PRMT7: variants seen among roughly 807,000 people sequenced by gnomAD.
PRMT7 encodes the protein protein arginine N-methyltransferase 7.
PRMT7 carries 75 observed loss-of-function variants against 85.4 expected under a neutral mutation model. The observed-to-expected ratio is 0.88, with a 90% CI of 0.73 to 1.06. PRMT7 has a LOEUF of 1.06. Ranked by LOEUF, PRMT7 falls within the 50% of genes least tolerant of loss-of-function variation. The probability of loss-of-function intolerance (pLI) is 0.00; values close to 1 mark genes in which losing one functional copy is unlikely to be tolerated. For missense variants in PRMT7, 868 were observed against 915.2 expected (o/e 0.95, Z 0.67); for synonymous variants, 397 against 359.5 (o/e 1.10, Z -1.18).
At chr16:68,320,323 C>T (rs1174594668) in intron 3 of PRMT7, among the ~76,000 whole-genome samples, 1 of 152,126 alleles carries the variant, frequency 6.6e-6, no homozygotes, top group Non-Finnish European at 1.5e-5. Context: ...ATATAGAGTG[C>T]AGAGTGGGAA....
At chr16:68,355,058 G>C (rs2088117066) in intron 16 of PRMT7, 1 of 152,820 alleles carries the variant, frequency 6.5e-6, no homozygotes, top group African/African-American at 2.4e-5. Context: ...AGCCCCTCCT[G>C]CTCTGGCCGT....
At chr16:68,323,272 G>A (rs572357412) in intron 4 of PRMT7, among the ~76,000 whole-genome samples, 11 of 141,320 alleles carry the variant, frequency 7.8e-5, no homozygotes, top group Non-Finnish European at 1.7e-4. Flanking sequence ...AGGCTTTAGT[G>A]CAGTGGTGTG....
Position 68,355,817 on chromosome 16 carries a change from C to T in PRMT7, c.1745C>T (p.Thr582Ile). ...RSLSEPWQILTFDFQQPVPLQ... is the reference protein window; with the variant it reads ...RSLSEPWQILIFDFQQPVPLQ... ...CTCTCCGAGCCCTGGCAGATCCTGA[C>T]CTTTGACTTCCAGCAGCCGGTGCCC... The change falls in exon 17 of 19, where the codon ACC becomes ATC. Residue 582 changes from threonine to isoleucine, a missense_variant. By Grantham distance (89) the Thr-to-Ile change is moderately conservative. Coordinates refer to ENST00000441236, the MANE Select transcript of PRMT7 (RefSeq NM_019023.5). 6.2e-7 allele frequency: 1 copy of T among 1,611,302 alleles called. No individual in the cohort carries two copies.
In PRMT7 at chr16:68,339,360, T is replaced by C; in HGVS notation, c.543T>C (p.Tyr181=). The part of the protein sequence containing the change: ...CEAVPHRATV[Y]AQLVESGRMW... The stretch of plus-strand genomic sequence containing the variant: ...CCGTGCCCCACAGAGCCACCGTCTA[T>C]GCACAGCTGGTGGAGTCCGGGAGGA... The change falls in exon 8 of 19, where the codon TAT becomes TAC. Residue 181 remains tyrosine, a synonymous_variant. Transcript: ENST00000441236. 6.2e-7 allele frequency: 1 copy of C among 1,614,216 alleles called. No homozygotes were observed. Among genetic ancestry groups the C allele is most frequent in the Non-Finnish European group, 8.5e-7 (1 of 1,180,038 alleles).
At chr16:68,357,011 G>A (rs1448912659) in intron 18 of PRMT7, 43 bp from the exon 19 acceptor site, 3 of 1,559,230 alleles carry the variant, frequency 1.9e-6, no homozygotes, top group Non-Finnish European at 2.6e-6. Flanking sequence ...GGAGGCTCAG[G>A]TGCCAGGGAG....
intron 9 of PRMT7, among the ~76,000 whole-genome samples, chr16:68,341,024 G>A (rs1321397834): frequency 6.6e-6 from 1 of 152,230 alleles, no homozygotes; most frequent in Non-Finnish European, 1.5e-5. Flanking sequence ...GTCATGTGTG[G>A]TGTACATATA....
chr16:68,343,461 C>G (rs1176531330), intron 9 of PRMT7, among the ~76,000 whole-genome samples: 2 of 152,148 alleles, frequency 1.3e-5, no homozygotes, highest in East Asian at 3.9e-4. Context: ...TTGAAAGCTG[C>G]TAATGAATCT....
intron 9 of PRMT7, among the ~76,000 whole-genome samples, chr16:68,344,706 C>T (rs1426474587): frequency 6.6e-6 from 1 of 152,106 alleles, no homozygotes; most frequent in Non-Finnish European, 1.5e-5. Flanking sequence ...CATTGTCAAC[C>T]ATGTTTCACA....
intron 9 of PRMT7, among the ~76,000 whole-genome samples, chr16:68,341,812 A>T (rs1263833818): frequency 6.6e-6 from 1 of 152,226 alleles, no homozygotes; most frequent in Non-Finnish European, 1.5e-5. Flanking sequence ...TCAAAGGGTC[A>T]ATCTTAGTTT....
Position 68,339,948 on chromosome 16 carries a change from T to C in PRMT7, c.907T>C (p.Ser303Pro). ...CACCATGGCCCCCTTCTGGGCACAC[T>C]CAGACCCAGAGGAGATGCAGGTAAG... The part of the protein sequence containing the change: ...KCTMAPFWAH[S>P]DPEEMQWRDH... Residue 303 changes from serine (S) to proline (P), a missense_variant, in exon 9 of 19, where the codon TCA (serine) becomes CCA (proline). By Grantham distance (74) the Ser-to-Pro change is moderately conservative (BLOSUM62 -1). Coordinates refer to ENST00000441236, the MANE Select transcript of PRMT7 (RefSeq NM_019023.5). The C allele has an allele frequency of 6.2e-7, 1 of 1,613,232 alleles. No individual in the cohort carries two copies. Among genetic ancestry groups the C allele is most frequent in the Non-Finnish European group, 8.5e-7 (1 of 1,179,644 alleles).
chr16:68,358,456 C>T lies in PRMT7; in HGVS notation c.*1232C>T, dbSNP rs769001258. The T allele has an allele frequency of 1.3e-5, 2 of 152,718 alleles. No individual in the cohort carries two copies. Among genetic ancestry groups the T allele is most frequent in the African/African-American group, 2.4e-5 (1 of 41,558 alleles). 9.5% of individuals were successfully genotyped at this position (152,718 alleles called of 1,614,324 possible). ...ACTTGTTTTTCTTCTAGGGAAGAAC[C>T]GTCTGGATATATATTTGATAATGTT... On this transcript the variant is annotated 3_prime_UTR_variant, in exon 19 of 19. Coordinates refer to ENST00000441236, the MANE Select transcript of PRMT7 (RefSeq NM_019023.5).
At position 68,356,688 on chromosome 16, in the gene PRMT7, CT is replaced by C. The variant is rs1247815838; in HGVS notation, c.1812-12del. On this transcript the variant is annotated splice_polypyrimidine_tract_variant and intron_variant, in intron 17 of 18. Transcript: ENST00000441236. ...GTGTGACTACTTCTGCTGGGCCCCC[CT>C]CTCCTTGACAGGCCCGGGCAGAGCC... 8.7e-6 allele frequency: 14 copies of C among 1,607,080 alleles called. No individual in the cohort carries two copies. The Admixed American group carries it at 2.0e-4, about 23-fold the overall frequency.
intron 3 of PRMT7, among the ~76,000 whole-genome samples, chr16:68,317,708 G>T (rs1193483704): frequency 6.6e-6 from 1 of 152,024 alleles, no homozygotes; most frequent in Non-Finnish European, 1.5e-5. Flanking sequence ...ATGCATGCCT[G>T]TAATCCCAGC....
At chr16:68,324,870 C>T (rs1319065709) in intron 5 of PRMT7, 38 bp downstream of exon 5, 1 of 1,610,162 alleles carries the variant, frequency 6.2e-7, no homozygotes, top group South Asian at 1.1e-5. Context: ...CTGCATCTTG[C>T]ATGGGAAATC....
At chr16:68,345,082 G>T (rs55793998) in intron 9 of PRMT7, among the ~76,000 whole-genome samples, 22,700 of 151,576 alleles carry the variant, frequency 0.15, 1,891 homozygotes, top group African/African-American at 0.22. Context: ...CAACATAAAT[G>T]AAACACATGA....
rs1163821711 is a variant in PRMT7 at position 68,343,419 on chromosome 16, T to G, written c.928-2256T>G. On this transcript the variant is annotated intron_variant, in intron 9 of 18. Coordinates refer to ENST00000441236, the MANE Select transcript of PRMT7 (RefSeq NM_019023.5). ...TCTTGACTGTGGGTCTTGTGTTGTT[T>G]CTCTACCAGCGTTGACTTTTGGATT... Among the ~76,000 whole-genome samples the G allele has an allele frequency of 2.0e-5, 3 of 152,152 alleles. No individual in the cohort carries two copies. The East Asian group carries it at 5.8e-4, about 29-fold the overall frequency.
chr16:68,348,550 C>G (rs957587253), intron 14 of PRMT7, 119 bp downstream of exon 14: 15 of 649,218 alleles, frequency 2.3e-5, no homozygotes, highest in Admixed American at 6.7e-5. Context: ...CACATGCAAC[C>G]TTACCTCCTA....
intron 18 of PRMT7, 64 bp downstream of exon 18, chr16:68,356,861 G>T (rs1360152796): frequency 6.7e-7 from 1 of 1,488,590 alleles, no homozygotes; most frequent in Non-Finnish European, 9.2e-7. Context: ...GCCTGGGGAG[G>T]CCTCCCTGCC....
chr16:68,335,933 C>T (rs951937485), intron 6 of PRMT7, among the ~76,000 whole-genome samples: 11 of 152,084 alleles, frequency 7.2e-5, no homozygotes, highest in Admixed American at 3.9e-4. Context: ...CCCATCACCA[C>T]GCCTGGCTAA....
Sources: allele counts gnomAD v4.1 joint callset (sites outside exome capture counted in the v4.1 genomes callset), GRCh38; gene constraint gnomAD v4.1.1; transcripts MANE v1.5; gene names NCBI Gene and HGNC (gene_info 2026-07-23, HGNC 2026-07-21).